Variants in KIFAP3 observed in about 807,000 individuals in gnomAD.
The protein encoded by KIFAP3 is kinesin associated protein 3.
In KIFAP3, 68 loss-of-function variants were observed where a neutral mutation model predicts 106.5. The ratio of observed to expected loss-of-function variants is 0.64; its 90% CI spans 0.53 to 0.78. The LOEUF is 0.78. KIFAP3 is among the 30% of genes least tolerant of loss of function. The pLI is 0.00. For synonymous variants in KIFAP3, 320 were observed against 311.5 expected, an observed-to-expected ratio of 1.03 and a Z score of -0.29; for missense variants, 780 against 941.8, an observed-to-expected ratio of 0.83 and a Z score of 2.25.
At chr1:169,987,590 A>T (rs1160439798) in intron 11 of KIFAP3, among the ~76,000 whole-genome samples, 2 of 152,078 alleles carry the variant, frequency 1.3e-5, no homozygotes, top group African/African-American at 2.4e-5. Flanking sequence ...GAACTTCAGC[A>T]GATAATGGCA....
intron 11 of KIFAP3, among the ~76,000 whole-genome samples, chr1:169,988,226 CAT>C (rs1666934690): frequency 6.6e-6 from 1 of 151,918 alleles, no homozygotes; most frequent in African/African-American, 2.4e-5. Context: ...CTATAAAACA[CAT>C]ATGTGATAGG....
In KIFAP3 at chr1:170,062,277, C is replaced by A. The variant is rs544116220; in HGVS notation, c.33-6841G>T. Among the ~76,000 whole-genome samples the A allele has an allele frequency of 2.0e-5, 3 of 149,886 alleles. No individual in the cohort carries two copies. In the South Asian group the frequency reaches 6.3e-4, roughly 32 times the overall value. On this transcript the variant is annotated intron_variant, in intron 1 of 19. Transcript: ENST00000361580. ...AAAGGGCAAAAAAAAAAACCCACCACCCCCAAACCCTACATTGCTTAATGC... is the reference window on the plus strand; with the variant it reads ...AAAGGGCAAAAAAAAAAACCCACCAACCCCAAACCCTACATTGCTTAATGC...
intron 18 of KIFAP3, among the ~76,000 whole-genome samples, chr1:169,955,360 C>G (rs931383756): frequency 2.0e-5 from 3 of 151,926 alleles, no homozygotes; most frequent in Non-Finnish European, 2.9e-5. Flanking sequence ...ACTTAAGATG[C>G]AATTAAAAAT....
exon 1 of KIFAP3, chr1:170,085,064 T>A (rs749371575): frequency 5.3e-5 from 8 of 152,212 alleles, no homozygotes; most frequent in Non-Finnish European, 8.8e-5. Flanking sequence ...TGCCATCAAA[T>A]GGCCAGTGGG....
At chr1:169,932,958 T>G (rs2101789414) in intron 19 of KIFAP3, among the ~76,000 whole-genome samples, 1 of 152,108 alleles carries the variant, frequency 6.6e-6, no homozygotes, top group African/African-American at 2.4e-5. Flanking sequence ...CAAATTACAT[T>G]TGGATGATAA....
chr1:169,939,068 C>T (rs185666716), intron 19 of KIFAP3, among the ~76,000 whole-genome samples: 9 of 152,140 alleles, frequency 5.9e-5, no homozygotes, highest in African/African-American at 1.9e-4. Context: ...ATTGAAGGCA[C>T]GTGAGAGACG....
intron 11 of KIFAP3, among the ~76,000 whole-genome samples, chr1:169,991,290 G>A (rs954026165): frequency 6.6e-6 from 1 of 151,596 alleles, no homozygotes; most frequent in African/African-American, 2.4e-5. Flanking sequence ...AGGCTCCAGT[G>A]AGCTATGACT....
intron 1 of KIFAP3, among the ~76,000 whole-genome samples, chr1:170,073,141 TA>T (rs1380877266): frequency 1.3e-5 from 2 of 152,186 alleles, no homozygotes; most frequent in African/African-American, 2.4e-5. Flanking sequence ...AATTTAAAGT[TA>T]AAAGGCAATT....
intron 2 of KIFAP3, among the ~76,000 whole-genome samples, chr1:170,052,144 T>C (rs1002485710): frequency 1.1e-4 from 16 of 151,714 alleles, no homozygotes; most frequent in African/African-American, 4.8e-5. Context: ...TAAAATATAA[T>C]AAAGGGGATA....
At chr1:169,923,999 T>TC (rs1553269805) in intron 19 of KIFAP3, among the ~76,000 whole-genome samples, 14 of 151,884 alleles carry the variant, frequency 9.2e-5, no homozygotes, top group Non-Finnish European at 1.8e-4. Context: ...CCCTTTTTTT[T>TC]ATTTCTACGA....
At position 169,921,572 on chromosome 1, in the gene KIFAP3, A is replaced by T. The variant is rs1662824551; in HGVS notation, c.*104T>A. ...CATATAAAAATAAAAACAAACACAG[A>T]CCCACAATAACATCAACATGCATTA... On this transcript the variant is annotated 3_prime_UTR_variant, in exon 20 of 20. Coordinates refer to ENST00000361580, the MANE Select transcript of KIFAP3 (RefSeq NM_014970.4). The T allele has an allele frequency of 3.7e-6, 3 of 817,570 alleles. No homozygotes were observed. Among genetic ancestry groups the T allele is most frequent in the Non-Finnish European group, 6.0e-6 (3 of 496,498 alleles). 50.6% of individuals were successfully genotyped at this position (817,570 alleles called of 1,614,324 possible). A position where few individuals can be genotyped will look rare whatever the true frequency, so the allele number is the denominator to read the frequency against.
chr1:169,994,790 T>A (rs1316592219), intron 10 of KIFAP3, among the ~76,000 whole-genome samples: 2 of 152,000 alleles, frequency 1.3e-5, no homozygotes, highest in African/African-American at 2.4e-5. Flanking sequence ...GAGAGTCAAA[T>A]CATTTAAGGT....
chr1:170,013,836 T>C (rs969974994), intron 10 of KIFAP3, among the ~76,000 whole-genome samples: 5 of 151,066 alleles, frequency 3.3e-5, no homozygotes, highest in Admixed American at 1.3e-4. Context: ...ATCAACAGAA[T>C]GTAGCAATAT....
At chr1:170,019,411 T>C (rs1668691480) in intron 9 of KIFAP3, among the ~76,000 whole-genome samples, 1 of 151,940 alleles carries the variant, frequency 6.6e-6, no homozygotes, top group Non-Finnish European at 1.5e-5. Context: ...CTCATAAACA[T>C]AAAAATTCTC....
In KIFAP3 at chr1:169,999,697, C is replaced by T. The variant is rs185221554; in HGVS notation, c.1184-7442G>A. ...CGATAGGATTTCCACAGGAATTCAC[C>T]GTTAATTAGCTGGATCATTATTTGA... On this transcript the variant is annotated intron_variant, in intron 10 of 19. Coordinates refer to ENST00000361580, the MANE Select transcript of KIFAP3 (RefSeq NM_014970.4). Among the ~76,000 whole-genome samples the T allele has an allele frequency of 8.9e-4, 135 of 152,202 alleles. 1 individual carries two copies. Among genetic ancestry groups the T allele is most frequent in the Non-Finnish European group, 1.7e-3 (115 of 68,000 alleles).
At chr1:170,002,192 A>G (rs1667698792) in intron 10 of KIFAP3, among the ~76,000 whole-genome samples, 2 of 152,292 alleles carry the variant, frequency 1.3e-5, no homozygotes, top group Middle Eastern at 3.4e-3. Context: ...GACTCCTTAC[A>G]TGCTGATGAA....
intron 3 of KIFAP3, among the ~76,000 whole-genome samples, chr1:170,041,194 T>C (rs894596918): frequency 6.6e-6 from 1 of 152,240 alleles, no homozygotes; most frequent in African/African-American, 2.4e-5. Flanking sequence ...CTATGTTAGA[T>C]ACTGTATTCA....
In KIFAP3 at chr1:170,038,297, T is replaced by C. The variant is rs1350394385; in HGVS notation, c.510A>G (p.Leu170=). The C allele has an allele frequency of 4.1e-5, 65 of 1,597,732 alleles. No homozygotes were observed. The highest frequency in any genetic ancestry group is 5.1e-5 in the Non-Finnish European group (60 of 1,176,328). The change falls in exon 5 of 20, where the codon CTA becomes CTG. Residue 170 remains leucine, a synonymous_variant. Transcript: ENST00000361580. Reference sequence around the variant, plus strand: ...ATGTTTTATAGTAATCACCATTCAATAGTAGTTCTTCCAAGTTATCAGGAT... The same window carrying C: ...ATGTTTTATAGTAATCACCATTCAACAGTAGTTCTTCCAAGTTATCAGGAT... The part of the protein sequence containing the change: ...ARNPDNLEEL[L]LNETALGALA...
In KIFAP3 at chr1:169,921,480, G is replaced by A. The variant is rs567896336; in HGVS notation, c.*196C>T. On this transcript the variant is annotated 3_prime_UTR_variant, in exon 20 of 20. Transcript: ENST00000361580. ...AGCATCAAGATGTGGTTTGATGAGT[G>A]AACAATGTCAGTATCAACTGTACTT... 3.1e-5 allele frequency: 14 copies of A among 458,444 alleles called. No homozygotes were observed. The South Asian group carries it at 3.9e-4, about 13-fold the overall frequency. The allele number at this position is 458,444 out of a possible 1,614,324, so 28.4% of individuals were successfully genotyped here. A position where few individuals can be genotyped will look rare whatever the true frequency, so the allele number is the denominator to read the frequency against.
Sources: gnomAD v4.1 joint callset for allele counts (sites outside exome capture counted in the v4.1 genomes callset) on GRCh38, gnomAD v4.1.1 for gene constraint, MANE v1.5 for transcripts, NCBI Gene and HGNC (gene_info 2026-07-23, HGNC 2026-07-21) for gene names.